GRIA4: variants seen among roughly 807,000 people sequenced by gnomAD.
GRIA4 encodes glutamate receptor 4.
A neutral mutation model predicts 104.0 loss-of-function variants in GRIA4; 34 were observed. That is an observed-to-expected ratio of 0.33 (90% confidence interval 0.25 to 0.44). The LOEUF is 0.44. Among genes scored for constraint, GRIA4 ranks in the 20% least tolerant of loss-of-function variants. The probability of loss-of-function intolerance (pLI) is 1.00; values close to 1 mark genes in which losing one functional copy is unlikely to be tolerated. For synonymous variants in GRIA4, 386 were observed against 381.9 expected, an observed-to-expected ratio of 1.01 and a Z score of -0.13; for missense variants, 750 against 1,096.5, an observed-to-expected ratio of 0.68 and a Z score of 4.46.
intron 4 of GRIA4, among the ~76,000 whole-genome samples, chr11:105,858,243 T>C (rs1196892432): frequency 6.6e-6 from 1 of 152,190 alleles, no homozygotes; most frequent in African/African-American, 2.4e-5. Flanking sequence ...TATAATGCTG[T>C]GTATTTTGCA....
chr11:105,612,165 G>A (rs1214230231), intron 2 of GRIA4, 111 bp from the exon 3 acceptor site: 13 of 915,872 alleles, frequency 1.4e-5, no homozygotes, highest in Non-Finnish European at 2.2e-5. Context: ...GGCAGGTATA[G>A]CTCTTTAATT....
intron 4 of GRIA4, among the ~76,000 whole-genome samples, chr11:105,860,970 A>T (rs567064377): frequency 2.0e-5 from 3 of 151,754 alleles, no homozygotes; most frequent in Admixed American, 6.6e-5. Flanking sequence ...AAAAAAAAAA[A>T]AAAAAAAGAG....
At chr11:105,650,077 G>C (rs1951643009) in intron 3 of GRIA4, among the ~76,000 whole-genome samples, 2 of 152,072 alleles carry the variant, frequency 1.3e-5, no homozygotes, top group African/African-American at 4.8e-5. Flanking sequence ...TGAAGAAAAG[G>C]CATTTAGAAA....
chr11:105,753,567 A>G (rs1016093169), intron 4 of GRIA4, among the ~76,000 whole-genome samples: 1 of 152,168 alleles, frequency 6.6e-6, no homozygotes, highest in Non-Finnish European at 1.5e-5. Flanking sequence ...TTATTCCCAT[A>G]TGCCAGCTAA....
intron 3 of GRIA4, among the ~76,000 whole-genome samples, chr11:105,702,540 T>C (rs1484152836): frequency 1.3e-5 from 2 of 151,770 alleles, no homozygotes; most frequent in Non-Finnish European, 2.9e-5. Context: ...AAAAGACATT[T>C]ATATAATAAA....
At chr11:105,689,620 G>A (rs982262326) in intron 3 of GRIA4, among the ~76,000 whole-genome samples, 3 of 152,106 alleles carry the variant, frequency 2.0e-5, no homozygotes, top group African/African-American at 7.2e-5. Context: ...ATTATTTAGA[G>A]AATTAAATGA....
At chr11:105,942,540 A>G (rs1323516819) in intron 14 of GRIA4, among the ~76,000 whole-genome samples, 1 of 152,112 alleles carries the variant, frequency 6.6e-6, no homozygotes, top group African/African-American at 2.4e-5. Flanking sequence ...AAGGAACTGT[A>G]TAATACACTT....
At position 105,612,357 on chromosome 11, in the gene GRIA4, C is replaced by A. The variant is rs1340908282; in HGVS notation, c.170C>A (p.Ala57Glu). The A allele has an allele frequency of 6.2e-7, 1 of 1,613,856 alleles. No individual in the cohort carries two copies. The highest frequency in any genetic ancestry group is 8.5e-7 in the Non-Finnish European group (1 of 1,179,726). ...AIFLHNTSPN[A>E]SEAPFNLVPH... ...TTTCTTCATAACACCAGCCCCAATG[C>A]GTCGGAAGCTCCTTTTAATTTGGTA... Residue 57 changes from alanine to glutamate, a missense_variant, in exon 3 of 17, where the codon GCG becomes GAG. Ala to Glu is a moderately radical substitution (Grantham distance 107). Around this residue, in one of 3 missense-constraint regions of GRIA4, gnomAD observed 410 missense variants for 502.7 expected, o/e 0.82. Coordinates refer to ENST00000282499, the MANE Select transcript of GRIA4 (RefSeq NM_000829.4).
chr11:105,748,914 T>A (rs1381386795), intron 3 of GRIA4, among the ~76,000 whole-genome samples: 2 of 152,092 alleles, frequency 1.3e-5, no homozygotes, highest in Non-Finnish European at 2.9e-5. Flanking sequence ...ACATTTGAAG[T>A]GGGTGGTACA....
intron 3 of GRIA4, among the ~76,000 whole-genome samples, chr11:105,691,146 T>C (rs1480113429): frequency 6.6e-6 from 1 of 152,148 alleles, no homozygotes; most frequent in Non-Finnish European, 1.5e-5. Context: ...AAATAGCTGA[T>C]GATATCAATT....
chr11:105,747,998 T>C (rs1939765485), intron 3 of GRIA4, among the ~76,000 whole-genome samples: 1 of 152,210 alleles, frequency 6.6e-6, no homozygotes. Context: ...GCACACTCCT[T>C]AATACTCCTA....
intron 4 of GRIA4, among the ~76,000 whole-genome samples, chr11:105,795,530 A>G (rs997148961): frequency 2.6e-5 from 4 of 152,098 alleles, no homozygotes; most frequent in African/African-American, 9.7e-5. Flanking sequence ...GGGGTAAGAG[A>G]TCATCTTAGG....
At chr11:105,699,414 T>C (rs1953404379) in intron 3 of GRIA4, among the ~76,000 whole-genome samples, 1 of 152,158 alleles carries the variant, frequency 6.6e-6, no homozygotes, top group Non-Finnish European at 1.5e-5. Flanking sequence ...AAGATCATAG[T>C]TTCAGGCATT....
At chr11:105,812,665 A>G (rs1943221283) in intron 4 of GRIA4, among the ~76,000 whole-genome samples, 3 of 152,200 alleles carry the variant, frequency 2.0e-5, no homozygotes, top group African/African-American at 2.4e-5. Flanking sequence ...TGTATCACAA[A>G]TAGTTAATAT....
At chr11:105,808,110 G>T (rs181286636) in intron 4 of GRIA4, among the ~76,000 whole-genome samples, 1 of 151,640 alleles carries the variant, frequency 6.6e-6, no homozygotes, top group Non-Finnish European at 1.5e-5. Flanking sequence ...AGTGTTGTTC[G>T]TGTGTGTGTG....
intron 4 of GRIA4, among the ~76,000 whole-genome samples, chr11:105,761,597 G>A (rs533371882): frequency 6.6e-6 from 1 of 152,242 alleles, no homozygotes; most frequent in East Asian, 1.9e-4. Context: ...CAATGTGGCA[G>A]TGAAAAGTAG....
intron 3 of GRIA4, among the ~76,000 whole-genome samples, chr11:105,621,409 G>T (rs1488277282): frequency 2.0e-5 from 3 of 150,640 alleles, no homozygotes; most frequent in Admixed American, 6.6e-5. Context: ...TAGACCTAGA[G>T]AAACAGATAT....
At chr11:105,630,836 T>C (rs1325273021) in intron 3 of GRIA4, among the ~76,000 whole-genome samples, 4 of 152,200 alleles carry the variant, frequency 2.6e-5, no homozygotes, top group Admixed American at 2.0e-4. Context: ...TTTCAAGATT[T>C]AGAATCAAAG....
At chr11:105,721,593 A>T (rs1007968138) in intron 3 of GRIA4, among the ~76,000 whole-genome samples, 1 of 152,242 alleles carries the variant, frequency 6.6e-6, no homozygotes, top group Non-Finnish European at 1.5e-5. Flanking sequence ...TACAAATGCC[A>T]AAGAGAGATT....
Sources: gnomAD v4.1 joint callset for allele counts (sites outside exome capture counted in the v4.1 genomes callset) on GRCh38, gnomAD v4.1.1 for gene constraint, gnomAD v4.1.1 regional missense constraint, MANE v1.5 for transcripts, NCBI Gene and HGNC (gene_info 2026-07-23, HGNC 2026-07-21) for gene names.